RAG1: variants seen among roughly 807,000 people sequenced by gnomAD.
The protein encoded by RAG1 is V(D)J recombination-activating protein 1.
Under a neutral mutation model 62.7 loss-of-function variants are expected in RAG1, and 35 were observed. The observed-to-expected ratio is 0.56, with a 90% confidence interval of 0.43 to 0.74. RAG1 has a LOEUF of 0.74. Among genes scored for constraint, RAG1 ranks in the 30% least tolerant of loss-of-function variants. RAG1 has a pLI of 0.00. For missense variants in RAG1, 1,169 were observed against 1,278.6 expected, an observed-to-expected ratio of 0.91 and a Z score of 1.31; for synonymous variants, 461 against 470.3, an observed-to-expected ratio of 0.98 and a Z score of 0.26.
At chr11:36,539,173 A>G (rs1860376861), downstream of RAG1, among the ~76,000 whole-genome samples, 1 of 152,188 alleles carries the variant, frequency 6.6e-6, no homozygotes. Context: ...GTCTTAACCC[A>G]ATAAGACTGG....
At chr11:36,548,537 AT>A (rs1329285549) in intron 3 of RAG1, among the ~76,000 whole-genome samples, 2 of 152,236 alleles carry the variant, frequency 1.3e-5, no homozygotes, top group African/African-American at 4.8e-5. Flanking sequence ...TACAAAAAAA[AT>A]AAAATACCTA....
chr11:36,537,745 A>C (rs1343683516), downstream of RAG1, among the ~76,000 whole-genome samples: 1 of 152,222 alleles, frequency 6.6e-6, no homozygotes, highest in African/African-American at 2.4e-5. Flanking sequence ...GACTTTAATT[A>C]CATCTTGAAT....
intron 3 of RAG1, among the ~76,000 whole-genome samples, chr11:36,559,322 GT>G (rs1850548849): frequency 6.6e-6 from 1 of 152,096 alleles, no homozygotes; most frequent in South Asian, 2.1e-4. Context: ...AATTTTGACA[GT>G]TTGACTATAA....
intron 3 of RAG1, among the ~76,000 whole-genome samples, chr11:36,560,202 C>G (rs1850562503): frequency 6.6e-6 from 1 of 152,244 alleles, no homozygotes; most frequent in South Asian, 2.1e-4. Context: ...GACTGGTTCT[C>G]AGGCCCTGGT....
chr11:36,535,011 C>T (rs953446755), intron 2 of RAG1, among the ~76,000 whole-genome samples: 1 of 152,132 alleles, frequency 6.6e-6, no homozygotes, highest in Non-Finnish European at 1.5e-5. Context: ...TTTCTCTTTA[C>T]CTTTGACTAC....
intron 3 of RAG1, among the ~76,000 whole-genome samples, chr11:36,547,288 C>T (rs955046154): frequency 1.3e-5 from 2 of 152,096 alleles, no homozygotes; most frequent in Non-Finnish European, 2.9e-5. Flanking sequence ...CAGAGCAGAA[C>T]TGATGGAGAT....
intron 2 of RAG1, among the ~76,000 whole-genome samples, chr11:36,534,729 A>G (rs182371275): frequency 5.2e-4 from 79 of 152,290 alleles, no homozygotes; most frequent in African/African-American, 1.9e-3. Flanking sequence ...GTCTACCACA[A>G]TTATTTTCTC....
At position 36,573,877 on chromosome 11, in the gene RAG1, A is replaced by G; in HGVS notation, c.573A>G (p.Pro191=). The change falls in exon 2 of 2, where the codon CCA becomes CCG. Residue 191 remains proline (P), a synonymous_variant. Transcript: ENST00000299440. ...SIMHRKFSSA[P]CEVYFPRNVT... Reference sequence around the variant, plus strand: ...TGCACAGGAAGTTTAGCAGTGCCCCATGTGAGGTTTACTTCCCGAGGAACG... The same window carrying G: ...TGCACAGGAAGTTTAGCAGTGCCCCGTGTGAGGTTTACTTCCCGAGGAACG... The G allele has an allele frequency of 6.2e-7, 1 of 1,614,098 alleles. No individual in the cohort carries two copies. The highest frequency in any genetic ancestry group is 1.6e-4 in the Middle Eastern group (1 of 6,062).
intron 2 of RAG1, among the ~76,000 whole-genome samples, chr11:36,531,215 CTTATTATTATA>C (rs2133256049): frequency 6.6e-6 from 1 of 151,798 alleles, no homozygotes; most frequent in Admixed American, 6.6e-5. Flanking sequence ...TCAACCTGTC[CTTATTATTATA>C]TTTGAAATGG....
At chr11:36,572,910 T>G (rs4151024) in intron 1 of RAG1, among the ~76,000 whole-genome samples, 1,965 of 152,356 alleles carry the variant, frequency 0.013, 25 homozygotes, top group East Asian at 0.034. Context: ...TCTTTGATTT[T>G]AGTAGCCTGT....
At position 36,578,390 on chromosome 11, in the gene RAG1, A is replaced by T. The variant is rs1397233459; in HGVS notation, c.*1954A>T. 6.0e-6 allele frequency: 1 copy of T among 166,320 alleles called. No individual in the cohort carries two copies. The highest frequency in any genetic ancestry group is 1.5e-5 in the Non-Finnish European group (1 of 68,110). 10.3% of individuals were successfully genotyped at this position (166,320 alleles called of 1,614,324 possible). A position where few individuals can be genotyped will look rare whatever the true frequency, so the allele number is the denominator to read the frequency against. ...AAAACTCTTGGTTTTGTTTTTTTGG[A>T]AATGAGTGGGCCACTAAGCCACACT... On this transcript the variant is annotated 3_prime_UTR_variant, in exon 2 of 2. Transcript: ENST00000299440.
intron 3 of RAG1, among the ~76,000 whole-genome samples, chr11:36,541,459 A>T (rs549219065): frequency 6.6e-6 from 1 of 152,132 alleles, no homozygotes; most frequent in Non-Finnish European, 1.5e-5. Context: ...TATTCTTTCC[A>T]TCTTTTTGGT....
chr11:36,514,220 A>G (rs571398772), intron 1 of RAG1, among the ~76,000 whole-genome samples: 1 of 152,326 alleles, frequency 6.6e-6, no homozygotes, highest in East Asian at 1.9e-4. Context: ...ATCAGATGAC[A>G]TCTTGACTGC....
chr11:36,526,038 A>G (rs1223173984), intron 2 of RAG1, among the ~76,000 whole-genome samples: 2 of 152,250 alleles, frequency 1.3e-5, no homozygotes, highest in Admixed American at 6.5e-5. Context: ...CATCCTTGAG[A>G]TAAATGTTGC....
intron 1 of RAG1, among the ~76,000 whole-genome samples, chr11:36,518,577 T>A (rs1860030348): frequency 6.6e-6 from 1 of 152,246 alleles, no homozygotes; most frequent in Non-Finnish European, 1.5e-5. Context: ...TGATTTGCAT[T>A]TCTCTGATGG....
At chr11:36,533,563 A>G (rs76680161) in intron 2 of RAG1, among the ~76,000 whole-genome samples, 15,277 of 152,274 alleles carry the variant, frequency 0.1, 825 homozygotes, top group Non-Finnish European at 0.11. Flanking sequence ...AAATGGAAGA[A>G]GAATAATGAT....
chr11:36,531,710 T>G (rs1860259296), intron 2 of RAG1, among the ~76,000 whole-genome samples: 1 of 151,764 alleles, frequency 6.6e-6, no homozygotes. Context: ...TACTGATATT[T>G]TAGTTACCAT....
At chr11:36,516,643 G>A (rs981480020) in intron 1 of RAG1, among the ~76,000 whole-genome samples, 7 of 152,208 alleles carry the variant, frequency 4.6e-5, no homozygotes, top group African/African-American at 1.7e-4. Flanking sequence ...TTTTTGAACT[G>A]AGCTAAAAGT....
intron 2 of RAG1, among the ~76,000 whole-genome samples, chr11:36,521,060 A>G (rs1338574277): frequency 6.6e-6 from 1 of 151,380 alleles, no homozygotes; most frequent in Non-Finnish European, 1.5e-5. Flanking sequence ...CCTGGGTTCA[A>G]GTGATTCCCC....
Sources: allele counts gnomAD v4.1 joint callset (sites outside exome capture counted in the v4.1 genomes callset), GRCh38; gene constraint gnomAD v4.1.1; transcripts MANE v1.5; gene names NCBI Gene and HGNC (gene_info 2026-07-23, HGNC 2026-07-21).